Variants in CCT6B observed in about 807,000 individuals in gnomAD.
CCT6B encodes the protein probable T-complex protein 1 subunit zeta-2.
In CCT6B, 49 loss-of-function variants were observed where a neutral mutation model predicts 61.5. The ratio of observed to expected loss-of-function variants is 0.80; its 90% CI spans 0.63 to 1.01. The LOEUF is 1.01. Among genes scored for constraint, CCT6B ranks in the 50% least tolerant of loss-of-function variants. The pLI, the probability that CCT6B is intolerant of heterozygous loss-of-function variation, is 0.00. For synonymous variants in CCT6B, 228 were observed against 214.5 expected (o/e 1.06, Z -0.55); for missense variants, 666 against 634.7 (o/e 1.05, Z -0.53).
At chr17:34,933,645 T>C (rs2090061114) in intron 10 of CCT6B, among the ~76,000 whole-genome samples, 1 of 152,214 alleles carries the variant, frequency 6.6e-6, no homozygotes, top group Non-Finnish European at 1.5e-5. Flanking sequence ...TCCATGTACC[T>C]ACCACCCAGC....
intron 5 of CCT6B, among the ~76,000 whole-genome samples, chr17:34,951,353 G>A (rs2090289848): frequency 6.6e-6 from 1 of 152,176 alleles, no homozygotes; most frequent in South Asian, 2.1e-4. Flanking sequence ...ATAATCCTAG[G>A]TGGGAGGGGG....
At chr17:34,953,195 T>C (rs975849843) in intron 4 of CCT6B, among the ~76,000 whole-genome samples, 1 of 151,924 alleles carries the variant, frequency 6.6e-6, no homozygotes, top group Non-Finnish European at 1.5e-5. Context: ...TTATCATTCT[T>C]CCTGGTAAAC....
At chr17:34,956,461 T>C (rs2090348785) in intron 3 of CCT6B, among the ~76,000 whole-genome samples, 1 of 152,166 alleles carries the variant, frequency 6.6e-6, no homozygotes. Flanking sequence ...TCATATACTG[T>C]GCCCGGCTCT....
chr17:34,954,558 T>C lies in CCT6B; in HGVS notation c.378A>G (p.Ala126=), dbSNP rs756460939. ...CCAAAACTTCAAGTGCTTTTATCTTTGCAGCTTCAAATCCTTCAGCTATTA... is the reference window on the plus strand; with the variant it reads ...CCAAAACTTCAAGTGCTTTTATCTTCGCAGCTTCAAATCCTTCAGCTATTA... The part of the protein sequence containing the change: ...PRIIAEGFEA[A]KIKALEVLEE... Residue 126 remains alanine (A), a synonymous_variant, in exon 4 of 14, where the codon GCA becomes GCG. Coordinates refer to ENST00000314144, the MANE Select transcript of CCT6B (RefSeq NM_006584.4). The C allele has an allele frequency of 1.2e-5, 20 of 1,613,570 alleles. No homozygotes were observed. The African/African-American group carries it at 2.7e-4, about 22-fold the overall frequency.
intron 3 of CCT6B, 111 bp downstream of exon 3, chr17:34,958,445 AAATT>A (rs988104968): frequency 1.6e-4 from 95 of 592,148 alleles, no homozygotes; most frequent in Middle Eastern, 5.1e-4. Context: ...CTCCATCTCA[AAATT>A]AATTAATTAA....
chr17:34,942,458 A>G, intron 7 of CCT6B, 26 bp downstream of exon 7: 1 of 1,561,438 alleles, frequency 6.4e-7, no homozygotes, highest in Non-Finnish European at 8.7e-7. Flanking sequence ...TTTACAAATA[A>G]CTAAAATCTA....
At chr17:34,953,514 C>T (rs1407829389) in intron 4 of CCT6B, among the ~76,000 whole-genome samples, 3 of 151,640 alleles carry the variant, frequency 2.0e-5, no homozygotes, top group East Asian at 1.9e-4. Context: ...ATTTTGAGTA[C>T]AGACAGGATT....
chr17:34,928,822 T>C, intron 13 of CCT6B, 140 bp downstream of exon 13: 1 of 525,640 alleles, frequency 1.9e-6, no homozygotes, highest in Non-Finnish European at 3.4e-6. Context: ...AGAAGCTAGT[T>C]CTAATAACTG....
At chr17:34,930,829 C>T (rs1370387788) in intron 12 of CCT6B, 120 bp downstream of exon 12, 1 of 408,554 alleles carries the variant, frequency 2.4e-6, no homozygotes, top group Non-Finnish European at 4.5e-6. Context: ...CAAAAATAAA[C>T]TAAAGGCATC....
chr17:34,959,450 G>A (rs1403401026), intron 2 of CCT6B, 137 bp downstream of exon 2: 6 of 615,234 alleles, frequency 9.8e-6, no homozygotes, highest in South Asian at 2.1e-5. Flanking sequence ...TTTTTATTGA[G>A]GTCTAATTCA....
chr17:34,955,200 C>G (rs2090334651), intron 3 of CCT6B, among the ~76,000 whole-genome samples: 2 of 152,140 alleles, frequency 1.3e-5, no homozygotes, highest in South Asian at 4.1e-4. Flanking sequence ...ACTAGTCTAG[C>G]TTAAAGGATA....
rs757029335 is a variant in CCT6B, at chr17:34,942,850, C to T, written c.671G>A (p.Arg224Gln). 6.2e-6 allele frequency: 10 copies of T among 1,611,646 alleles called. No homozygotes were observed. Among genetic ancestry groups the T allele is most frequent in the East Asian group, 2.2e-5 (1 of 44,830 alleles). ...AATAAGGATAAATGCATCTTCTACT[C>T]GCTTCTTCATATCTGGATGACGGGC... Reference protein sequence around the residue: ...HGARHPDMKKRVEDAFILICN... With the variant: ...HGARHPDMKKQVEDAFILICN... The change falls in exon 6 of 14, where the codon CGA becomes CAA. Residue 224 changes from arginine (R) to glutamine (Q), a missense_variant. Arg to Gln is a conservative substitution (Grantham distance 43). Transcript: ENST00000314144.
At chr17:34,941,853 A>G (rs2090167387) in intron 7 of CCT6B, among the ~76,000 whole-genome samples, 1 of 152,150 alleles carries the variant, frequency 6.6e-6, no homozygotes, top group Non-Finnish European at 1.5e-5. Flanking sequence ...CCTGCACAAC[A>G]TGGCAATACC....
intron 4 of CCT6B, among the ~76,000 whole-genome samples, chr17:34,953,942 A>C (rs972198807): frequency 6.6e-6 from 1 of 152,162 alleles, no homozygotes; most frequent in Admixed American, 6.5e-5. Context: ...TGACAGAGTA[A>C]GACTCTGTCT....
chr17:34,961,437 G>A lies in CCT6B; in HGVS notation c.-44C>T, dbSNP rs754317038. 1.3e-6 allele frequency: 2 copies of A among 1,563,332 alleles called. No homozygotes were observed. Among genetic ancestry groups the A allele is most frequent in the Non-Finnish European group, 1.7e-6 (2 of 1,159,486 alleles). On this transcript the variant is annotated 5_prime_UTR_variant, in exon 1 of 14. Transcript: ENST00000314144. Reference sequence around the variant, plus strand: ...GAGAAAAAAAAAAAGCCTTAGTCGCGATTCTGAGCAAAAACGGCAATGCGA... The same window carrying A: ...GAGAAAAAAAAAAAGCCTTAGTCGCAATTCTGAGCAAAAACGGCAATGCGA...
chr17:34,938,274 G>C (rs1394084590), intron 10 of CCT6B, among the ~76,000 whole-genome samples: 1 of 152,126 alleles, frequency 6.6e-6, no homozygotes, highest in African/African-American at 2.4e-5. Flanking sequence ...ATTAAAAGAT[G>C]CTCAACATGG....
At chr17:34,935,483 G>A (rs1161025657) in intron 10 of CCT6B, among the ~76,000 whole-genome samples, 4 of 152,052 alleles carry the variant, frequency 2.6e-5, no homozygotes, top group African/African-American at 4.8e-5. Flanking sequence ...AAAGTAAAAT[G>A]CATTATAACT....
intron 3 of CCT6B, among the ~76,000 whole-genome samples, chr17:34,957,855 A>G (rs2090365879): frequency 6.6e-6 from 1 of 152,192 alleles, no homozygotes; most frequent in African/African-American, 2.4e-5. Flanking sequence ...GTCTGGCTGA[A>G]GTAGATGATT....
At chr17:34,961,052 C>G (rs566142192) in intron 1 of CCT6B, among the ~76,000 whole-genome samples, 37 of 152,332 alleles carry the variant, frequency 2.4e-4, no homozygotes, top group African/African-American at 7.7e-4. Context: ...GGAAGCGCCA[C>G]AGCTTCACTC....
Sources: gnomAD v4.1 joint callset for allele counts (sites outside exome capture counted in the v4.1 genomes callset) on GRCh38, gnomAD v4.1.1 for gene constraint, MANE v1.5 for transcripts, NCBI Gene and HGNC (gene_info 2026-07-23, HGNC 2026-07-21) for gene names.